CLTCL1: variants seen among roughly 807,000 people sequenced by gnomAD.
CLTCL1 encodes the protein clathrin heavy chain 2.
In CLTCL1, 159 loss-of-function variants were observed where a neutral mutation model predicts 190.0. That is an observed-to-expected ratio of 0.84 (90% CI 0.74 to 0.95). The LOEUF (loss-of-function observed/expected upper bound fraction) is 0.95. CLTCL1 is among the 40% of genes least tolerant of loss of function. CLTCL1 has a pLI of 0.00. For missense variants in CLTCL1, 1,878 were observed against 2,033.4 expected (o/e 0.92, Z 1.47); for synonymous variants, 752 against 769.6 (o/e 0.98, Z 0.38).
intron 19 of CLTCL1, among the ~76,000 whole-genome samples, chr22:19,214,204 G>C (rs1465160676): frequency 1.3e-5 from 2 of 152,088 alleles, no homozygotes; most frequent in East Asian, 1.9e-4. Context: ...CAAATGTAAC[G>C]CACATTCCCA....
chr22:19,190,184 G>A (rs1376299712), intron 27 of CLTCL1, among the ~76,000 whole-genome samples: 2 of 152,104 alleles, frequency 1.3e-5, no homozygotes, highest in Non-Finnish European at 2.9e-5. Context: ...CGGGTGATCC[G>A]CCTGCCTTGG....
Position 19,235,165 on chromosome 22 carries a change from C to T in CLTCL1, c.970-459G>A, listed in dbSNP as rs372005389. On this transcript the variant is annotated intron_variant, in intron 6 of 32. Coordinates refer to ENST00000427926, the MANE Select transcript of CLTCL1 (RefSeq NM_007098.4). ...GATTATAGGAATCAGCCACTGTTCC[C>T]GACTTTTTTTTTTTTTTCCCCTGAG... 3.3e-5 allele frequency among the ~76,000 whole-genome samples: 5 copies of T among 151,016 alleles called. No individual in the cohort carries two copies. The East Asian group carries it at 5.8e-4, about 18-fold the overall frequency.
At chr22:19,239,244 T>C (rs807468) in intron 5 of CLTCL1, 31 bp downstream of exon 5, 100,768 of 1,523,054 alleles carry the variant, frequency 0.066, 3,560 homozygotes, top group Middle Eastern at 0.11. Context: ...TTTTAGGACA[T>C]GAAGATGTTT....
At chr22:19,290,634 A>G (rs554535590) in intron 1 of CLTCL1, among the ~76,000 whole-genome samples, 1 of 152,258 alleles carries the variant, frequency 6.6e-6, no homozygotes, top group East Asian at 1.9e-4. Context: ...ACTGGACTGC[A>G]CTACACAGTT....
At chr22:19,207,746 T>G (rs1426255806) in intron 22 of CLTCL1, 2 of 494,312 alleles carry the variant, frequency 4.0e-6, no homozygotes, top group Admixed American at 7.1e-5. Context: ...GCAGCAGCAT[T>G]AGATTCTCAC....
At chr22:19,188,409 A>C (rs111651669) in intron 27 of CLTCL1, among the ~76,000 whole-genome samples, 2 of 152,154 alleles carry the variant, frequency 1.3e-5, no homozygotes, top group Non-Finnish European at 2.9e-5. Flanking sequence ...GTTGTAGCCT[A>C]AGTGTGTAAC....
rs148498142 is a variant in CLTCL1 at position 19,257,520 on chromosome 22, A to G, written c.251-3293T>C. The G allele has an allele frequency of 9.6e-3, 2,926 of 304,004 alleles. 57 individuals carry two copies. Among genetic ancestry groups the G allele is most frequent in the East Asian group, 0.051 (663 of 12,950 alleles). 18.8% of individuals were successfully genotyped at this position (304,004 alleles called of 1,614,324 possible). ...TCTCTCACTTTCCTCCCCAGACAGC[A>G]TGAGTTTCACCACTCACTCCACTAC... On this transcript the variant is annotated intron_variant, in intron 2 of 32. Transcript: ENST00000427926.
chr22:19,274,395 AAAGT>A (rs2087426821), intron 2 of CLTCL1, among the ~76,000 whole-genome samples: 2 of 152,218 alleles, frequency 1.3e-5, no homozygotes, highest in South Asian at 2.1e-4. Context: ...GGTAAGTGAC[AAAGT>A]AAGAGACAGA....
chr22:19,291,505 G>T, intron 1 of CLTCL1, 95 bp downstream of exon 1: 1 of 1,131,214 alleles, frequency 8.8e-7, no homozygotes, highest in Non-Finnish European at 1.1e-6. Context: ...GCTGGGCAGC[G>T]GCTCAGCGGG....
chr22:19,180,854 C>T (rs782182290), intron 30 of CLTCL1, 48 bp from the exon 31 acceptor site: 21 of 1,561,878 alleles, frequency 1.3e-5, no homozygotes, highest in Non-Finnish European at 1.8e-5. Flanking sequence ...AGAGTGCAGT[C>T]CGGCCTCTAG....
At chr22:19,252,474 G>A (rs1569225169) in intron 3 of CLTCL1, among the ~76,000 whole-genome samples, 2 of 152,106 alleles carry the variant, frequency 1.3e-5, no homozygotes, top group Non-Finnish European at 2.9e-5. Context: ...TTAATAGCTA[G>A]CAAAATGCAT....
chr22:19,221,494 G>A lies in CLTCL1; in HGVS notation c.2679C>T (p.Phe893=), dbSNP rs1296780027. 1.2e-5 allele frequency: 19 copies of A among 1,600,168 alleles called. No individual in the cohort carries two copies. Among genetic ancestry groups the A allele is most frequent in the Admixed American group, 8.6e-5 (5 of 57,850 alleles). Residue 893 remains phenylalanine, a synonymous_variant, in exon 17 of 33, where the codon TTC becomes TTT. Transcript: ENST00000427926. ...YIDSNNSPEC[F]LRENAYYDSS... ...TGTCATAGTAGGCATTCTCTCTCAG[G>A]AAGCACTCGGGGCTGTTGTTGCTGT...
chr22:19,265,064 C>T (rs1319849114), intron 2 of CLTCL1, among the ~76,000 whole-genome samples: 1 of 152,130 alleles, frequency 6.6e-6, no homozygotes, highest in Non-Finnish European at 1.5e-5. Context: ...GCTGGGATTA[C>T]AGGTGTGAGC....
chr22:19,242,435 A>G (rs782405479), intron 4 of CLTCL1, among the ~76,000 whole-genome samples: 2 of 152,106 alleles, frequency 1.3e-5, no homozygotes, highest in Non-Finnish European at 2.9e-5. Flanking sequence ...AGCTGGGTTT[A>G]TAAGAATGCG....
chr22:19,254,313 T>A, intron 2 of CLTCL1, 86 bp from the exon 3 acceptor site: 1 of 1,174,744 alleles, frequency 8.5e-7, no homozygotes, highest in Non-Finnish European at 1.2e-6. Flanking sequence ...TGAATTCTTT[T>A]AATATTACTT....
Position 19,199,827 on chromosome 22 carries a change from G to A in CLTCL1, c.3780C>T (p.Cys1260=), listed in dbSNP as rs879994082. 7 of 1,593,540 alleles carry A rather than the reference G, an allele frequency of 4.4e-6. No homozygotes were observed. The highest frequency in any genetic ancestry group is 1.3e-5 in the African/African-American group (1 of 74,508). The change falls in exon 24 of 33, where the codon TGC becomes TGT. Residue 1260 remains cysteine, a synonymous_variant. Transcript: ENST00000427926. The part of the protein sequence containing the change: ...TRTWKEVCFA[C]MDGQEFRFAQ... ...CGAAGCGGAACTCTTGTCCATCCAT[G>A]CAGGCAAAGCACACCTAGGGGACGG...
chr22:19,224,007 C>T lies in CLTCL1; in HGVS notation c.2176G>A (p.Asp726Asn), dbSNP rs572002948. Residue 726 changes from aspartate (D) to asparagine (N), a missense_variant, in exon 14 of 33, where the codon GAT (aspartate) becomes AAT (asparagine). By Grantham distance (23) the Asp-to-Asn change is conservative. Coordinates refer to ENST00000427926, the MANE Select transcript of CLTCL1 (RefSeq NM_007098.4). The part of the protein sequence containing the change: ...GSIVNFSQDP[D>N]VHLKYIQAAC... ...GCCTGAATGTATTTCAGATGCACATCTGGGTCTTGGCTGAAGTTCACGATT... is the reference window on the plus strand; with the variant it reads ...GCCTGAATGTATTTCAGATGCACATTTGGGTCTTGGCTGAAGTTCACGATT... The T allele has an allele frequency of 6.2e-7, 1 of 1,613,992 alleles. No homozygotes were observed. Among genetic ancestry groups the T allele is most frequent in the Admixed American group, 1.7e-5 (1 of 60,024 alleles).
chr22:19,196,477 AG>A lies in CLTCL1; in HGVS notation c.4041+11del. 1 of 1,614,026 alleles carries A rather than the reference AG, an allele frequency of 6.2e-7. No individual in the cohort carries two copies. Among genetic ancestry groups the A allele is most frequent in the African/African-American group, 1.3e-5 (1 of 75,058 alleles). ...TGGCCACGGCTGCCAGACTGCAAGG[AG>A]TACACGGTACCTTTGGGATGTTGAC... is the stretch of plus-strand genomic sequence containing the variant. On this transcript the variant is annotated intron_variant, in intron 25 of 32. Coordinates refer to ENST00000427926, the MANE Select transcript of CLTCL1 (RefSeq NM_007098.4).
intron 2 of CLTCL1, chr22:19,258,382 TC>T: frequency 2.4e-6 from 1 of 411,764 alleles, no homozygotes; most frequent in Non-Finnish European, 4.6e-6. Flanking sequence ...TCCACCGAGA[TC>T]AGAGCTGCTG....
Sources: gnomAD v4.1 joint callset for allele counts (sites outside exome capture counted in the v4.1 genomes callset) on GRCh38, gnomAD v4.1.1 for gene constraint, MANE v1.5 for transcripts, NCBI Gene and HGNC (gene_info 2026-07-23, HGNC 2026-07-21) for gene names.